Variants in NID1 observed in about 807,000 individuals in gnomAD.
The protein encoded by NID1 is nidogen-1.
A neutral mutation model predicts 130.6 loss-of-function variants in NID1; 76 were observed. The ratio of observed to expected loss-of-function variants is 0.58; its 90% CI spans 0.48 to 0.70. The LOEUF (loss-of-function observed/expected upper bound fraction) is 0.70, where lower values mean the gene tolerates loss of function less well. NID1 is among the 30% of genes least tolerant of loss of function. The pLI, the probability that NID1 is intolerant of heterozygous loss-of-function variation, is 0.00. For missense variants in NID1, 1,517 were observed against 1,664.8 expected, an observed-to-expected ratio of 0.91 and a Z score of 1.54; for synonymous variants, 665 against 675.1, an observed-to-expected ratio of 0.98 and a Z score of 0.23.
At chr1:236,040,973 T>C (rs1659435657) in intron 4 of NID1, among the ~76,000 whole-genome samples, 1 of 152,098 alleles carries the variant, frequency 6.6e-6, no homozygotes, top group African/African-American at 2.4e-5. Context: ...CTAGAACATC[T>C]TTTATAAGAA....
chr1:236,006,553 A>G (rs957156074), intron 12 of NID1, among the ~76,000 whole-genome samples: 2 of 152,210 alleles, frequency 1.3e-5, no homozygotes, highest in African/African-American at 4.8e-5. Flanking sequence ...TCTTCAACAG[A>G]CCAAATGCAA....
At chr1:236,050,467 C>T (rs111570623) in intron 1 of NID1, among the ~76,000 whole-genome samples, 2,788 of 151,854 alleles carry the variant, frequency 0.018, 63 homozygotes, top group African/African-American at 0.052. Flanking sequence ...GCAGGAGAAT[C>T]GCTTGAGCCT....
rs781640098 is a variant in NID1, at chr1:236,042,226, G to T, written c.819C>A (p.Gly273=). 1 of 1,611,758 alleles carries T rather than the reference G, an allele frequency of 6.2e-7. No individual in the cohort carries two copies. Among genetic ancestry groups the T allele is most frequent in the Non-Finnish European group, 8.5e-7 (1 of 1,179,950 alleles). Residue 273 remains glycine, a synonymous_variant, in exon 4 of 20, where the codon GGC becomes GGA. Coordinates refer to ENST00000264187, the MANE Select transcript of NID1 (RefSeq NM_002508.3). ...CGAGGATCACGTCTGCAGGCACCACGCCATTGGTGGTGGCTGGACTCCCAA... is the reference window on the plus strand; with the variant it reads ...CGAGGATCACGTCTGCAGGCACCACTCCATTGGTGGTGGCTGGACTCCCAA... The part of the protein sequence containing the change: ...FEIGSPATTN[G]VVPADVILGT...
At chr1:235,988,675 G>C (rs771863696) in intron 14 of NID1, among the ~76,000 whole-genome samples, 2 of 152,150 alleles carry the variant, frequency 1.3e-5, no homozygotes, top group Non-Finnish European at 2.9e-5. Flanking sequence ...CGTACAATGG[G>C]ATTTCAGCCT....
In NID1 at chr1:236,012,169, AACTC is replaced by A. The variant is rs1334416524; in HGVS notation, c.2405-130_2405-127del. The A allele has an allele frequency of 2.7e-6, 3 of 1,104,392 alleles. No homozygotes were observed. In the African/African-American group the frequency reaches 4.7e-5, roughly 17 times the overall value. The allele number at this position is 1,104,392 out of a possible 1,614,324, so 68.4% of individuals were successfully genotyped here. ...TTCTGATCTGGGAACAGTAATCCAA[AACTC>A]ACTAAACATTAACTATCAAGTCACT... On this transcript the variant is annotated intron_variant, in intron 11 of 19. Coordinates refer to ENST00000264187, the MANE Select transcript of NID1 (RefSeq NM_002508.3).
At position 236,032,276 on chromosome 1, in the gene NID1, C is replaced by G. The variant is rs576189468; in HGVS notation, c.1537+125G>C. The G allele has an allele frequency of 1.2e-5, 15 of 1,252,038 alleles. No individual in the cohort carries two copies. In the South Asian group the frequency reaches 2.2e-4, roughly 18 times the overall value. 77.6% of individuals were successfully genotyped at this position (1,252,038 alleles called of 1,614,324 possible). A position where few individuals can be genotyped will look rare whatever the true frequency, so the allele number is the denominator to read the frequency against. On this transcript the variant is annotated intron_variant, in intron 6 of 19. Transcript: ENST00000264187. ...AACTACAGGATGCCCTGTCTACAGA[C>G]AAAAAGGAGCAACAACATGCTTCTA...
At chr1:236,052,616 T>G (rs2102848559) in intron 1 of NID1, among the ~76,000 whole-genome samples, 1 of 152,330 alleles carries the variant, frequency 6.6e-6, no homozygotes, top group Non-Finnish European at 1.5e-5. Context: ...AAAAAAAATC[T>G]ATTCCCTGCT....
intron 1 of NID1, among the ~76,000 whole-genome samples, chr1:236,059,185 AC>A (rs1659977122): frequency 6.6e-6 from 1 of 152,224 alleles, no homozygotes; most frequent in Non-Finnish European, 1.5e-5. Context: ...TTTCTGTTAC[AC>A]TTGGCTGCCT....
intron 2 of NID1, 62 bp downstream of exon 2, chr1:236,048,628 G>A (rs2102845593): frequency 6.4e-7 from 1 of 1,555,452 alleles, no homozygotes; most frequent in Non-Finnish European, 8.7e-7. Flanking sequence ...CAAGGCGTGA[G>A]ACCAAAGTGT....
chr1:236,022,340 A>ATT (rs112406762), intron 9 of NID1, among the ~76,000 whole-genome samples: 39,667 of 137,058 alleles, frequency 0.29, 6,310 homozygotes, highest in Non-Finnish European at 0.35. Context: ...GATGGCCCCT[A>ATT]TTTTTTTTTT....
intron 15 of NID1, among the ~76,000 whole-genome samples, chr1:235,985,110 G>A (rs963797542): frequency 3.3e-5 from 5 of 151,632 alleles, no homozygotes; most frequent in Non-Finnish European, 7.4e-5. Flanking sequence ...GGAGAATGGC[G>A]TGAACCCAGG....
rs138345581 is a variant in NID1 at position 236,043,467 on chromosome 1, G to A, written c.753-1175C>T. On this transcript the variant is annotated intron_variant, in intron 3 of 19. Coordinates refer to ENST00000264187, the MANE Select transcript of NID1 (RefSeq NM_002508.3). ...AAACCCCACCCATTTGGTGTCAGAAGTGTGAGTGAAAACATTGCAGACGTG... is the reference window on the plus strand; with the variant it reads ...AAACCCCACCCATTTGGTGTCAGAAATGTGAGTGAAAACATTGCAGACGTG... 4.9e-3 allele frequency among the ~76,000 whole-genome samples: 741 copies of A among 152,270 alleles called. 5 individuals carry two copies. Among genetic ancestry groups the A allele is most frequent in the African/African-American group, 0.017 (692 of 41,554 alleles).
At chr1:236,006,189 C>T (rs558855786) in intron 12 of NID1, among the ~76,000 whole-genome samples, 2 of 152,274 alleles carry the variant, frequency 1.3e-5, no homozygotes, top group African/African-American at 4.8e-5. Flanking sequence ...TTTGCTCCCC[C>T]CCATTAGAAA....
intron 15 of NID1, among the ~76,000 whole-genome samples, chr1:235,983,284 C>T (rs1199730709): frequency 2.0e-5 from 3 of 152,194 alleles, no homozygotes; most frequent in African/African-American, 7.2e-5. Context: ...CTGGACACAT[C>T]AGAGCCCCCA....
rs150844582 is a variant in NID1 at position 235,991,006 on chromosome 1, G to A, written c.2808C>T (p.Ala936=). The A allele has an allele frequency of 6.1e-5, 99 of 1,612,944 alleles. No individual in the cohort carries two copies. Among genetic ancestry groups the A allele is most frequent in the Non-Finnish European group, 8.0e-5 (94 of 1,179,534 alleles). Residue 936 remains alanine, a synonymous_variant, in exon 14 of 20, where the codon GCC becomes GCT. Transcript: ENST00000264187. The stretch of plus-strand genomic sequence containing the variant: ...GGGTCCCAGGAGGCAAGGGGATCAC[G>A]GCGGTAGGCACCGCAGGTCCTTGGT... ...PIHQGPAVPT[A]VIPLPPGTHL... is the part of the protein sequence containing the mutation.
chr1:235,981,250 T>C (rs1304736649), intron 16 of NID1, among the ~76,000 whole-genome samples: 4 of 152,230 alleles, frequency 2.6e-5, no homozygotes. Context: ...AGTCTGGGTC[T>C]GCCCCTGAAA....
Position 235,977,644 on chromosome 1 carries a change from G to A in NID1, c.*223C>T, listed in dbSNP as rs1657307250. On this transcript the variant is annotated 3_prime_UTR_variant, in exon 20 of 20. Transcript: ENST00000264187. ...AGTCTGTCTGAGGGTTGGGGGTAGG[G>A]GTGGAGGGTTCTGTCCTTGTGTAGG... 1 of 524,184 alleles carries A rather than the reference G, an allele frequency of 1.9e-6. No homozygotes were observed. The highest frequency in any genetic ancestry group is 3.4e-6 in the Non-Finnish European group (1 of 290,826). 32.5% of individuals were successfully genotyped at this position (524,184 alleles called of 1,614,324 possible).
rs1659316940 is a variant in NID1, at chr1:236,038,179, T to C, written c.1210A>G (p.Arg404Gly). Residue 404 changes from arginine (R) to glycine (G), a missense_variant, in exon 5 of 20, where the codon AGG (arginine) becomes GGG (glycine). Transcript: ENST00000264187. Reference protein sequence around the residue: ...RHQCSVHAECRDYATGFCCSC... With the variant: ...RHQCSVHAECGDYATGFCCSC... ...CAGCAGAAGCCCGTGGCGTAGTCCC[T>C]GCACTCTGCGTGCACCGAGCACTGG... The C allele has an allele frequency of 3.7e-6, 6 of 1,613,460 alleles. No homozygotes were observed. Among genetic ancestry groups the C allele is most frequent in the Non-Finnish European group, 4.2e-6 (5 of 1,179,490 alleles).
At position 236,053,448 on chromosome 1, in the gene NID1, C is replaced by T. The variant is rs117430207; in HGVS notation, c.226-4459G>A. ...TTCTCCATCTCAGCTACCAACAGCA[C>T]GCCCCCGCCCAACCCCACCACCTCG... On this transcript the variant is annotated intron_variant, in intron 1 of 19. Transcript: ENST00000264187. Among the ~76,000 whole-genome samples the T allele has an allele frequency of 1.5e-3, 228 of 152,236 alleles. 4 individuals carry two copies. The East Asian group carries it at 0.039, about 26-fold the overall frequency.
Sources: gnomAD v4.1 joint callset for allele counts (sites outside exome capture counted in the v4.1 genomes callset) on GRCh38, gnomAD v4.1.1 for gene constraint, MANE v1.5 for transcripts, NCBI Gene and HGNC (gene_info 2026-07-23, HGNC 2026-07-21) for gene names.